The following PACRG variants were observed in gnomAD, a reference collection of about 807,000 sequenced individuals.
The protein encoded by PACRG is parkin coregulated gene protein.
Under a neutral mutation model 29.7 loss-of-function variants are expected in PACRG, and 29 were observed. The ratio of observed to expected loss-of-function variants is 0.98; its 90% CI spans 0.73 to 1.33. PACRG has a LOEUF of 1.33. PACRG is among the 40% of genes most tolerant of loss of function. The pLI, the probability that PACRG is intolerant of heterozygous loss-of-function variation, is 0.00. For missense variants in PACRG, 279 were observed against 316.2 expected (o/e 0.88, Z 0.89); for synonymous variants, 116 against 118.7 (o/e 0.98, Z 0.15).
intron 3 of PACRG, among the ~76,000 whole-genome samples, chr6:163,081,031 A>C (rs1813027274): frequency 6.6e-6 from 1 of 152,200 alleles, no homozygotes; most frequent in South Asian, 2.1e-4. Flanking sequence ...AGGCTGTGTC[A>C]TATTTACTTA....
intron 2 of PACRG, among the ~76,000 whole-genome samples, chr6:162,830,389 C>T (rs1788655358): frequency 6.6e-6 from 1 of 152,166 alleles, no homozygotes. Flanking sequence ...CCTTGATTTT[C>T]CAAGAAAACA....
At chr6:162,971,492 G>A (rs138336239) in intron 2 of PACRG, among the ~76,000 whole-genome samples, 17 of 152,142 alleles carry the variant, frequency 1.1e-4, no homozygotes, top group African/African-American at 3.9e-4. Context: ...TGAACACAAA[G>A]AATTTATCTA....
chr6:163,225,320 T>G (rs1781745202), intron 4 of PACRG, among the ~76,000 whole-genome samples: 1 of 152,204 alleles, frequency 6.6e-6, no homozygotes, highest in Non-Finnish European at 1.5e-5. Context: ...GTTACCCTCA[T>G]GCAGTTCTCA....
In PACRG at chr6:162,815,370, T is replaced by C. The variant is rs548836933; in HGVS notation, c.291+1089T>C. ...GCATTAAAATTAAATTTTTCCTTCC[T>C]GTATAGACACATTGAAAGGATTATT... On this transcript the variant is annotated intron_variant, in intron 2 of 4. Coordinates refer to ENST00000366888, the MANE Select transcript of PACRG (RefSeq NM_001080379.2). Among the ~76,000 whole-genome samples the C allele has an allele frequency of 1.5e-4, 22 of 150,932 alleles. No homozygotes were observed. In the South Asian group the frequency reaches 1.9e-3, roughly 13 times the overall value.
intron 2 of PACRG, among the ~76,000 whole-genome samples, chr6:162,925,536 C>T (rs1439420765): frequency 6.6e-6 from 1 of 152,136 alleles, no homozygotes; most frequent in Admixed American, 6.5e-5. Flanking sequence ...CATAATCTAT[C>T]ACATAAACAG....
chr6:162,922,273 T>C (rs1169809209), intron 2 of PACRG, among the ~76,000 whole-genome samples: 1 of 148,228 alleles, frequency 6.7e-6, no homozygotes, highest in Non-Finnish European at 1.5e-5. Context: ...AGCATGCCTG[T>C]TTCTGGTGGT....
chr6:162,768,086 C>T (rs981697020), intron 1 of PACRG, among the ~76,000 whole-genome samples: 1 of 152,020 alleles, frequency 6.6e-6, no homozygotes, highest in Non-Finnish European at 1.5e-5. Context: ...ATTATTTTTG[C>T]ATCTTATTCT....
chr6:163,311,026 G>C (rs1427768724), intron 4 of PACRG: 1 of 152,160 alleles, frequency 6.6e-6, no homozygotes, highest in Non-Finnish European at 1.5e-5. Flanking sequence ...GTTTAAGGAG[G>C]TTTAGATAGA....
chr6:162,927,760 C>G (rs1413140633), intron 2 of PACRG, among the ~76,000 whole-genome samples: 1 of 152,002 alleles, frequency 6.6e-6, no homozygotes, highest in Non-Finnish European at 1.5e-5. Flanking sequence ...TGTAACAAAC[C>G]TGCACATTCT....
At chr6:162,937,498 C>G (rs1043623234) in intron 2 of PACRG, among the ~76,000 whole-genome samples, 1 of 152,140 alleles carries the variant, frequency 6.6e-6, no homozygotes, top group African/African-American at 2.4e-5. Flanking sequence ...AGCTTGTCCA[C>G]AGGCGGTGAG....
At chr6:162,998,352 T>C (rs540554280) in intron 2 of PACRG, among the ~76,000 whole-genome samples, 1 of 152,198 alleles carries the variant, frequency 6.6e-6, no homozygotes, top group Non-Finnish European at 1.5e-5. Flanking sequence ...TGAGAAAGCC[T>C]TCAGGAGGCC....
At chr6:162,976,674 C>T (rs950352635) in intron 2 of PACRG, among the ~76,000 whole-genome samples, 1 of 152,208 alleles carries the variant, frequency 6.6e-6, no homozygotes, top group African/African-American at 2.4e-5. Flanking sequence ...TCATTTTTAT[C>T]GTTTAACTTC....
intron 4 of PACRG, among the ~76,000 whole-genome samples, chr6:163,305,337 A>G (rs1352294244): frequency 1.3e-5 from 2 of 152,176 alleles, no homozygotes; most frequent in African/African-American, 4.8e-5. Flanking sequence ...GACCATTCAA[A>G]TACTTGGAAG....
At chr6:163,191,664 C>T in intron 4 of PACRG, 1 of 456,266 alleles carries the variant, frequency 2.2e-6, no homozygotes, top group South Asian at 1.5e-5. Context: ...ATCTGTGGAC[C>T]ACACTCCACG....
intron 4 of PACRG, among the ~76,000 whole-genome samples, chr6:163,283,179 G>T (rs986899171): frequency 3.3e-5 from 5 of 152,200 alleles, no homozygotes; most frequent in African/African-American, 1.2e-4. Context: ...TTATAAATGT[G>T]GGTGATGTGA....
intron 2 of PACRG, among the ~76,000 whole-genome samples, chr6:162,844,183 G>C (rs1475804205): frequency 1.3e-4 from 20 of 149,926 alleles, no homozygotes; most frequent in Admixed American, 1.3e-3. Context: ...AATGGCGGGC[G>C]CCCCTCCCCC....
intron 4 of PACRG, among the ~76,000 whole-genome samples, chr6:163,114,157 C>T (rs967259736): frequency 6.6e-6 from 1 of 152,032 alleles, no homozygotes; most frequent in African/African-American, 2.4e-5. Context: ...GGCTGAGGCA[C>T]AAGAATTGCT....
chr6:162,971,639 C>A (rs1801537032), intron 2 of PACRG, among the ~76,000 whole-genome samples: 1 of 152,192 alleles, frequency 6.6e-6, no homozygotes, highest in South Asian at 2.1e-4. Context: ...AAATATTTTA[C>A]TAGAAAATGT....
At chr6:163,081,849 T>TAA (rs376521271) in intron 3 of PACRG, among the ~76,000 whole-genome samples, 2 of 152,090 alleles carry the variant, frequency 1.3e-5, no homozygotes, top group African/African-American at 4.8e-5. Flanking sequence ...ATAAGAATGA[T>TAA]AAAAAAACTA....
Sources: allele counts gnomAD v4.1 joint callset (sites outside exome capture counted in the v4.1 genomes callset), GRCh38; gene constraint gnomAD v4.1.1; transcripts MANE v1.5; gene names NCBI Gene and HGNC (gene_info 2026-07-23, HGNC 2026-07-21).